Variants in SHISA9 observed in about 807,000 individuals in gnomAD.
SHISA9 encodes shisa family member 9, also known as protein shisa-9.
In SHISA9, 13 loss-of-function variants were observed where a neutral mutation model predicts 38.0. The observed-to-expected ratio is 0.34, with a 90% CI of 0.22 to 0.54. SHISA9 has a LOEUF of 0.54. SHISA9 is among the 20% of genes least tolerant of loss of function. The pLI is 0.91. For synonymous variants in SHISA9, 275 were observed against 242.0 expected, an observed-to-expected ratio of 1.14 and a Z score of -1.27; for missense variants, 538 against 575.8, an observed-to-expected ratio of 0.93 and a Z score of 0.67.
the SHISA9 span, among the ~76,000 whole-genome samples, chr16:13,432,926 TGAGAGGAGGG>T: frequency 1.1e-4 from 17 of 151,034 alleles, no homozygotes; most frequent in Non-Finnish European, 1.6e-4. Flanking sequence ...GGGTGGAGGG[TGAGAGGAGGG>T]AGAGGATCAG....
intron 2 of SHISA9, among the ~76,000 whole-genome samples, chr16:13,003,512 T>A (rs770872685): frequency 3.9e-4 from 59 of 152,134 alleles, no homozygotes; most frequent in Non-Finnish European, 6.6e-4. Flanking sequence ...AGTCCCATTA[T>A]AGGGCAGAGG....
At chr16:13,167,913 C>A (rs1214732216) in intron 2 of SHISA9, among the ~76,000 whole-genome samples, 2 of 152,056 alleles carry the variant, frequency 1.3e-5, no homozygotes, top group East Asian at 1.9e-4. Flanking sequence ...CTTGGATTTC[C>A]TGTGTTGTTC....
At chr16:13,047,597 A>G (rs1013179352) in intron 2 of SHISA9, among the ~76,000 whole-genome samples, 3 of 152,182 alleles carry the variant, frequency 2.0e-5, no homozygotes, top group Non-Finnish European at 2.9e-5. Context: ...TGCTTACTGC[A>G]TAATGGCTTT....
the SHISA9 span, among the ~76,000 whole-genome samples, chr16:13,476,300 G>A: frequency 4.6e-5 from 7 of 152,090 alleles, no homozygotes; most frequent in Admixed American, 1.3e-4. Context: ...CATCCTGATT[G>A]CTTCCTTACC....
chr16:12,970,428 T>TAC, intron 2 of SHISA9, among the ~76,000 whole-genome samples: 1 of 64,944 alleles, frequency 1.5e-5, no homozygotes, highest in Non-Finnish European at 3.0e-5. Flanking sequence ...CACATATATG[T>TAC]ATATATATAT....
chr16:13,346,146 A>G, the SHISA9 span, among the ~76,000 whole-genome samples: 2 of 152,170 alleles, frequency 1.3e-5, no homozygotes, highest in Non-Finnish European at 2.9e-5. Context: ...TCCAGTGTCT[A>G]TCATTCCATG....
chr16:13,217,959 G>C (rs1456225231), intron 4 of SHISA9, among the ~76,000 whole-genome samples: 1 of 151,170 alleles, frequency 6.6e-6, no homozygotes, highest in Non-Finnish European at 1.5e-5. Context: ...GAAACGTGGA[G>C]GCAGAGGCTG....
intron 2 of SHISA9, among the ~76,000 whole-genome samples, chr16:13,195,379 C>A (rs556893444): frequency 6.6e-6 from 1 of 152,028 alleles, no homozygotes; most frequent in African/African-American, 2.4e-5. Context: ...TGGATTATAA[C>A]CCAAGGTATA....
chr16:12,930,483 A>G lies in SHISA9; in HGVS notation c.691+13668A>G, dbSNP rs373462423. ...AGTTCGGCCCACCAATTCAATCACA[A>G]TTGATTTTTGTCAAAAGCATTTTCC... On this transcript the variant is annotated intron_variant, in intron 2 of 4. Coordinates refer to ENST00000558583, the MANE Select transcript of SHISA9 (RefSeq NM_001145204.3). Among the ~76,000 whole-genome samples, 63 of 152,292 alleles carry G rather than the reference A, an allele frequency of 4.1e-4. No individual in the cohort carries two copies. In the East Asian group the frequency reaches 7.3e-3, roughly 18 times the overall value.
chr16:13,294,427 G>C, the SHISA9 span, among the ~76,000 whole-genome samples: 1 of 152,116 alleles, frequency 6.6e-6, no homozygotes, highest in Admixed American at 6.5e-5. Context: ...CCAGCATATA[G>C]CCTGGGCTTT....
At chr16:13,009,494 T>C (rs527257873) in intron 2 of SHISA9, among the ~76,000 whole-genome samples, 26 of 152,266 alleles carry the variant, frequency 1.7e-4, no homozygotes, top group African/African-American at 6.3e-4. Context: ...TTCCCTGCCC[T>C]TCCTCATTTA....
the SHISA9 span, among the ~76,000 whole-genome samples, chr16:13,479,126 C>T: frequency 9.9e-4 from 150 of 152,262 alleles, no homozygotes; most frequent in African/African-American, 3.5e-3. Context: ...TTATATTCCT[C>T]GGCTTATGGT....
At chr16:13,021,824 A>G (rs1057253853) in intron 2 of SHISA9, among the ~76,000 whole-genome samples, 1 of 152,202 alleles carries the variant, frequency 6.6e-6, no homozygotes, top group East Asian at 1.9e-4. Context: ...ATAACTGACC[A>G]TTCTTTTCTC....
At chr16:13,349,304 G>A in the SHISA9 span, among the ~76,000 whole-genome samples, 1 of 152,200 alleles carries the variant, frequency 6.6e-6, no homozygotes, top group African/African-American at 2.4e-5. Context: ...TTGCATGGAC[G>A]AGGGGGTCTC....
At chr16:13,011,366 G>T (rs1183423535) in intron 2 of SHISA9, among the ~76,000 whole-genome samples, 1 of 126,172 alleles carries the variant, frequency 7.9e-6, no homozygotes. Flanking sequence ...TACTCATTTA[G>T]CACAAATCCC....
chr16:13,241,867 T>TA (rs2051437885), downstream of SHISA9, among the ~76,000 whole-genome samples: 1 of 152,144 alleles, frequency 6.6e-6, no homozygotes, highest in Non-Finnish European at 1.5e-5. Context: ...CAGGATGCTC[T>TA]TTCAGCACTT....
chr16:13,491,817 C>CTTT, the SHISA9 span, among the ~76,000 whole-genome samples: 27 of 46,926 alleles, frequency 5.8e-4, 1 homozygote, highest in African/African-American at 1.2e-3. Context: ...TATTTATTGA[C>CTTT]CTTTTTTTTT....
At chr16:13,158,831 C>T (rs1272536351) in intron 2 of SHISA9, among the ~76,000 whole-genome samples, 1 of 148,726 alleles carries the variant, frequency 6.7e-6, no homozygotes, top group South Asian at 2.1e-4. Context: ...CTGAGGTGGG[C>T]GGATCACGAG....
the SHISA9 span, among the ~76,000 whole-genome samples, chr16:13,247,856 A>T: frequency 6.6e-6 from 1 of 152,230 alleles, no homozygotes; most frequent in Non-Finnish European, 1.5e-5. Flanking sequence ...ACTCATTTTT[A>T]AAAATCTCAA....
Sources: gnomAD v4.1 joint callset for allele counts (sites outside exome capture counted in the v4.1 genomes callset) on GRCh38, gnomAD v4.1.1 for gene constraint, MANE v1.5 for transcripts, NCBI Gene and HGNC (gene_info 2026-07-23, HGNC 2026-07-21) for gene names.